FTO: variants seen among roughly 807,000 people sequenced by gnomAD.
The protein encoded by FTO is FTO alpha-ketoglutarate dependent dioxygenase.
A neutral mutation model predicts 63.9 loss-of-function variants in FTO; 47 were observed. The ratio of observed to expected loss-of-function variants is 0.74; its 90% confidence interval spans 0.58 to 0.94. The LOEUF (loss-of-function observed/expected upper bound fraction) is 0.94. FTO is among the 40% of genes least tolerant of loss of function. The probability of loss-of-function intolerance (pLI) is 0.00; values close to 1 mark genes in which losing one functional copy is unlikely to be tolerated. For missense variants in FTO, 562 were observed against 618.1 expected, an observed-to-expected ratio of 0.91 and a Z score of 0.96; for synonymous variants, 207 against 224.4, an observed-to-expected ratio of 0.92 and a Z score of 0.69.
intron 3 of FTO, among the ~76,000 whole-genome samples, chr16:53,841,236 C>T (rs2079468104): frequency 6.6e-6 from 1 of 151,180 alleles, no homozygotes; most frequent in Non-Finnish European, 1.5e-5. Context: ...AAAGCCGCAA[C>T]CAGCCAATCA....
At chr16:53,922,424 G>C (rs944695636) in intron 7 of FTO, among the ~76,000 whole-genome samples, 1 of 152,052 alleles carries the variant, frequency 6.6e-6, no homozygotes, top group Non-Finnish European at 1.5e-5. Flanking sequence ...CCCATATATG[G>C]TGTCTTCTGG....
chr16:53,714,845 T>TTAAAA (rs2075856472), intron 1 of FTO, among the ~76,000 whole-genome samples: 1 of 152,110 alleles, frequency 6.6e-6, no homozygotes, highest in Non-Finnish European at 1.5e-5. Context: ...GAGTAGCCAG[T>TTAAAA]GTTCCCAGCT....
intron 1 of FTO, among the ~76,000 whole-genome samples, chr16:53,793,435 A>G (rs973178991): frequency 6.6e-6 from 1 of 152,190 alleles, no homozygotes; most frequent in African/African-American, 2.4e-5. Flanking sequence ...ACTGAAGTAC[A>G]TTATTTTGTA....
chr16:53,759,902 G>GTCTAGGTGC (rs79692916), intron 1 of FTO, among the ~76,000 whole-genome samples: 1 of 151,618 alleles, frequency 6.6e-6, no homozygotes, highest in South Asian at 2.1e-4. Context: ...TCCTGAGCTG[G>GTCTAGGTGC]TCTAGGATCC....
chr16:53,829,750 TAGGG>T lies in FTO; in HGVS notation c.751+3263_751+3266del, dbSNP rs372661446. 3.8e-3 allele frequency among the ~76,000 whole-genome samples: 573 copies of T among 152,148 alleles called. 2 individuals are homozygous for T. The highest frequency in any genetic ancestry group is 0.013 in the African/African-American group (521 of 41,494). ...CAATGGCTTTCTCACTTTGAGGTAA[TAGGG>T]AGGTAATAGGTGGGCTCTCGTGATT... On this transcript the variant is annotated intron_variant, in intron 3 of 8. Coordinates refer to ENST00000471389, the MANE Select transcript of FTO (RefSeq NM_001080432.3).
chr16:53,869,736 T>C (rs2080442120), intron 4 of FTO, among the ~76,000 whole-genome samples: 1 of 152,332 alleles, frequency 6.6e-6, no homozygotes, highest in Non-Finnish European at 1.5e-5. Context: ...AGAATTTCCA[T>C]CCCTCTGCTT....
At chr16:53,899,129 A>G (rs2081342937) in intron 7 of FTO, among the ~76,000 whole-genome samples, 2 of 152,234 alleles carry the variant, frequency 1.3e-5, no homozygotes, top group South Asian at 4.1e-4. Flanking sequence ...AAACAAAATA[A>G]TACTGAGGGC....
chr16:54,022,269 A>G (rs1350752752), intron 8 of FTO, among the ~76,000 whole-genome samples: 1 of 152,212 alleles, frequency 6.6e-6, no homozygotes, highest in African/African-American at 2.4e-5. Context: ...GGAGCAAATT[A>G]GACAGTGAAA....
rs773796511 is a variant in FTO, at chr16:53,993,036, TTTA to T, written c.1364+58931_1364+58933del. On this transcript the variant is annotated intron_variant, in intron 8 of 8. Coordinates refer to ENST00000471389, the MANE Select transcript of FTO (RefSeq NM_001080432.3). Reference sequence around the variant, plus strand: ...AATTTTGACCCACTGATGGTAGAAGTTTATTAACAGCCCTATTCATTTAGATCC... The same window carrying T: ...AATTTTGACCCACTGATGGTAGAAGTTTAACAGCCCTATTCATTTAGATCC... 1.2e-4 allele frequency: 18 copies of T among 152,328 alleles called. 1 individual carries two copies. The East Asian group carries it at 3.3e-3, about 28-fold the overall frequency. The allele number at this position is 152,328 out of a possible 1,614,324, so 9.4% of individuals were successfully genotyped here.
At position 53,849,751 on chromosome 16, in the gene FTO, A is replaced by G. The variant is rs564158044; in HGVS notation, c.895+5453A>G. Among the ~76,000 whole-genome samples, 201 of 152,312 alleles carry G rather than the reference A, an allele frequency of 1.3e-3. 1 individual carries two copies. The highest frequency in any genetic ancestry group is 4.7e-3 in the African/African-American group (197 of 41,582). On this transcript the variant is annotated intron_variant, in intron 4 of 8. Coordinates refer to ENST00000471389, the MANE Select transcript of FTO (RefSeq NM_001080432.3). ...CCATGCTTCTGTTTTTTGACTCAAC[A>G]TGGCCACTCCCACTGGAGTCTGTAG...
At position 53,816,769 on chromosome 16, in the gene FTO, G is replaced by A. The variant is rs117788306; in HGVS notation, c.123+6552G>A. On this transcript the variant is annotated intron_variant, in intron 2 of 8. Transcript: ENST00000471389. Reference sequence around the variant, plus strand: ...TACTTTCTCGGCTTTATTTTTCCCCGTAGACTTATCATCATCTAAAATACC... The same window carrying A: ...TACTTTCTCGGCTTTATTTTTCCCCATAGACTTATCATCATCTAAAATACC... Among the ~76,000 whole-genome samples the A allele has an allele frequency of 5.2e-3, 797 of 151,874 alleles. 6 individuals are homozygous for A. Among genetic ancestry groups the A allele is most frequent in the Middle Eastern group, 0.034 (10 of 294 alleles).
At chr16:53,779,684 G>T (rs975364243) in intron 1 of FTO, among the ~76,000 whole-genome samples, 1 of 152,170 alleles carries the variant, frequency 6.6e-6, no homozygotes, top group African/African-American at 2.4e-5. Context: ...TAAAGTCTGG[G>T]TCAGCTTTTA....
chr16:54,049,658 G>A (rs1274492338), intron 8 of FTO, among the ~76,000 whole-genome samples: 1 of 152,194 alleles, frequency 6.6e-6, no homozygotes, highest in Non-Finnish European at 1.5e-5. Flanking sequence ...TAAGGTGGTG[G>A]CTGGGGCTGC....
intron 1 of FTO, among the ~76,000 whole-genome samples, chr16:53,768,661 G>C (rs2077265282): frequency 6.6e-6 from 1 of 152,186 alleles, no homozygotes; most frequent in South Asian, 2.1e-4. Context: ...TGAGCACAGA[G>C]TCATTTTGGG....
chr16:53,719,982 A>C (rs576644713), intron 1 of FTO, among the ~76,000 whole-genome samples: 3 of 152,046 alleles, frequency 2.0e-5, no homozygotes, highest in Admixed American at 2.0e-4. Context: ...TCTTGAACAC[A>C]ATAGGTACTG....
At chr16:53,710,168 T>TTTTA (rs10685934) in intron 1 of FTO, among the ~76,000 whole-genome samples, 12,536 of 150,898 alleles carry the variant, frequency 0.083, 1,005 homozygotes, top group African/African-American at 0.18. Flanking sequence ...GCAAGCTATC[T>TTTTA]TTTATTTATT....
At chr16:53,851,328 G>A (rs12596968) in intron 4 of FTO, among the ~76,000 whole-genome samples, 31,736 of 149,502 alleles carry the variant, frequency 0.21, 3,619 homozygotes, top group East Asian at 0.33. Context: ...GTGTGGTGGC[G>A]TGCACCTGTA....
chr16:53,936,715 C>T (rs114368818), intron 8 of FTO, among the ~76,000 whole-genome samples: 1,874 of 152,304 alleles, frequency 0.012, 15 homozygotes, highest in Middle Eastern at 0.041. Context: ...TCAAAGCTAT[C>T]AGGGGATCAG....
intron 8 of FTO, among the ~76,000 whole-genome samples, chr16:53,945,709 T>C (rs1226992587): frequency 6.6e-6 from 1 of 152,216 alleles, no homozygotes; most frequent in Non-Finnish European, 1.5e-5. Flanking sequence ...TGTCATTTCT[T>C]TTATATTGGT....
Sources: gnomAD v4.1 joint callset for allele counts (sites outside exome capture counted in the v4.1 genomes callset) on GRCh38, gnomAD v4.1.1 for gene constraint, MANE v1.5 for transcripts, NCBI Gene and HGNC (gene_info 2026-07-23, HGNC 2026-07-21) for gene names.